The following ANKRD62 variants were observed in gnomAD, a reference collection of about 807,000 sequenced individuals.
ANKRD62 encodes ankyrin repeat domain 62, also known as ankyrin repeat domain-containing protein 62.
Under a neutral mutation model 98.8 loss-of-function variants are expected in ANKRD62, and 61 were observed. The observed-to-expected ratio is 0.62, with a 90% CI of 0.50 to 0.76. ANKRD62 has a LOEUF of 0.76. Ranked by LOEUF, ANKRD62 falls within the 30% of genes least tolerant of loss-of-function variation. The probability of loss-of-function intolerance (pLI) is 0.00; values close to 1 mark genes in which losing one functional copy is unlikely to be tolerated. For missense variants in ANKRD62, 933 were observed against 1,082.9 expected, an observed-to-expected ratio of 0.86 and a Z score of 1.94; for synonymous variants, 341 against 367.9, an observed-to-expected ratio of 0.93 and a Z score of 0.84.
At position 12,094,196 on chromosome 18, in the gene ANKRD62, T is replaced by C; in HGVS notation, c.179T>C (p.Leu60Pro). ...DVNKVMESIL[L>P]RLNDLNDRDK... ...AACAAGGTGATGGAGAGCATCTTGC[T>C]CAGGCTGAATGACTTGAACGACAGG... Residue 60 changes from leucine (L) to proline (P), a missense_variant, in exon 1 of 14, where the codon CTC becomes CCC. This residue lies in a region of ANKRD62 where 549 missense variants were observed against 587.9 expected (regional missense o/e 0.93). Transcript: ENST00000587848. The C allele has an allele frequency of 6.5e-7, 1 of 1,530,446 alleles. No individual in the cohort carries two copies. The highest frequency in any genetic ancestry group is 2.0e-5 in the Admixed American group (1 of 50,310). The allele number at this position is 1,530,446 out of a possible 1,614,324, so 94.8% of individuals were successfully genotyped here. A position where few individuals can be genotyped will look rare whatever the true frequency, so the allele number is the denominator to read the frequency against.
chr18:12,167,457 A>G, the ANKRD62 span, among the ~76,000 whole-genome samples: 92,130 of 151,992 alleles, frequency 0.61, 28,405 homozygotes, highest in Middle Eastern at 0.76. Flanking sequence ...GCTACAAAGG[A>G]CATGAACTCA....
chr18:12,122,274 A>T, intron 10 of ANKRD62, 29 bp from the exon 11 acceptor site: 1 of 1,490,894 alleles, frequency 6.7e-7, no homozygotes, highest in Non-Finnish European at 9.0e-7. Context: ...CATGTATTTT[A>T]TCTCTATTTT....
At chr18:12,161,553 C>G in the ANKRD62 span, among the ~76,000 whole-genome samples, 1 of 152,204 alleles carries the variant, frequency 6.6e-6, no homozygotes, top group Admixed American at 6.5e-5. Context: ...TATAGTCTTA[C>G]AGTCCTTTTA....
At chr18:12,170,552 A>C in the ANKRD62 span, among the ~76,000 whole-genome samples, 4 of 152,160 alleles carry the variant, frequency 2.6e-5, no homozygotes, top group Admixed American at 1.3e-4. Context: ...ACTTCCAACT[A>C]TGTGGTCAAT....
At chr18:12,162,241 T>C in the ANKRD62 span, among the ~76,000 whole-genome samples, 2 of 152,202 alleles carry the variant, frequency 1.3e-5, no homozygotes, top group Non-Finnish European at 2.9e-5. Flanking sequence ...TATCTCACTG[T>C]AGTTTTGAAT....
At chr18:12,156,249 A>T in the ANKRD62 span, among the ~76,000 whole-genome samples, 2 of 152,074 alleles carry the variant, frequency 1.3e-5, no homozygotes, top group African/African-American at 2.4e-5. Flanking sequence ...AACCAAATAC[A>T]TTTCTTTTCT....
chr18:12,151,972 T>C, the ANKRD62 span, among the ~76,000 whole-genome samples: 4 of 151,310 alleles, frequency 2.6e-5, no homozygotes. Flanking sequence ...TTAGAAGAGA[T>C]AGGTAAATTT....
At chr18:12,102,241 C>A in intron 6 of ANKRD62, 1 of 779,060 alleles carries the variant, frequency 1.3e-6, no homozygotes, top group South Asian at 1.3e-5. Flanking sequence ...GGAAGCAGGC[C>A]CAGGAGCAAA....
In ANKRD62 at chr18:12,126,202, G is replaced by C. The variant is rs561988829; in HGVS notation, c.2381G>C (p.Arg794Pro). The change falls in exon 13 of 14, where the codon CGC becomes CCC. Residue 794 changes from arginine (R) to proline (P), a missense_variant. By Grantham distance (103) the Arg-to-Pro change is moderately radical. Transcript: ENST00000587848. Reference protein sequence around the residue: ...LLYQQQCNDARKKADNQEKTI... With the variant: ...LLYQQQCNDAPKKADNQEKTI... ...TATCAACAGCAGTGTAATGATGCTC[G>C]CAAGAAAGCTGACAATCAGGAGAAA... The C allele has an allele frequency of 2.6e-6, 4 of 1,535,920 alleles. No individual in the cohort carries two copies. Among genetic ancestry groups the C allele is most frequent in the African/African-American group, 2.7e-5 (2 of 73,044 alleles).
the ANKRD62 span, among the ~76,000 whole-genome samples, chr18:12,170,241 T>G: frequency 6.6e-6 from 1 of 152,254 alleles, no homozygotes. Context: ...ATTTTAGATC[T>G]TTCCTGCTTT....
intron 8 of ANKRD62, among the ~76,000 whole-genome samples, chr18:12,113,035 C>G (rs577683589): frequency 3.9e-5 from 6 of 152,254 alleles, no homozygotes; most frequent in African/African-American, 1.4e-4. Flanking sequence ...ACTGGGACTA[C>G]AGGCATGCCC....
At chr18:12,122,920 A>G (rs1414722257) in intron 11 of ANKRD62, among the ~76,000 whole-genome samples, 1 of 152,174 alleles carries the variant, frequency 6.6e-6, no homozygotes, top group Non-Finnish European at 1.5e-5. Flanking sequence ...TTTTTAAAAG[A>G]GATCGTTGAT....
the ANKRD62 span, among the ~76,000 whole-genome samples, chr18:12,145,804 C>G: frequency 6.6e-6 from 1 of 150,948 alleles, no homozygotes; most frequent in Non-Finnish European, 1.5e-5. Context: ...TACAGCACAG[C>G]AGAGCTGTTC....
At chr18:12,133,651 T>C (rs1244838115), downstream of ANKRD62, among the ~76,000 whole-genome samples, 2 of 152,190 alleles carry the variant, frequency 1.3e-5, no homozygotes, top group Admixed American at 6.5e-5. Context: ...TTTCATGTGG[T>C]TACTGGCCAT....
the ANKRD62 span, among the ~76,000 whole-genome samples, chr18:12,165,955 T>A: frequency 6.6e-6 from 1 of 152,280 alleles, no homozygotes; most frequent in Non-Finnish European, 1.5e-5. Flanking sequence ...GTCATACCAT[T>A]CTCTCCTGGC....
At chr18:12,154,402 C>T in the ANKRD62 span, among the ~76,000 whole-genome samples, 1 of 152,192 alleles carries the variant, frequency 6.6e-6, no homozygotes, top group Non-Finnish European at 1.5e-5. Context: ...GAGATACCAT[C>T]ACCCACTAGT....
the ANKRD62 span, among the ~76,000 whole-genome samples, chr18:12,166,811 G>T: frequency 6.6e-6 from 1 of 151,978 alleles, no homozygotes; most frequent in Non-Finnish European, 1.5e-5. Flanking sequence ...TGCTGTGTTG[G>T]TTTGCTGCAT....
chr18:12,146,466 GATAGAATCT>G, the ANKRD62 span, among the ~76,000 whole-genome samples: 3 of 152,308 alleles, frequency 2.0e-5, no homozygotes, highest in Admixed American at 2.0e-4. Flanking sequence ...TGTGTTTTGA[GATAGAATCT>G]CCTTCTGTTT....
the ANKRD62 span, among the ~76,000 whole-genome samples, chr18:12,161,055 A>T: frequency 6.6e-6 from 1 of 152,142 alleles, no homozygotes; most frequent in African/African-American, 2.4e-5. Context: ...GATTTACCCT[A>T]ACATGTAAAA....
Sources: gnomAD v4.1 joint callset for allele counts (sites outside exome capture counted in the v4.1 genomes callset) on GRCh38, gnomAD v4.1.1 for gene constraint, gnomAD v4.1.1 regional missense constraint, MANE v1.5 for transcripts, NCBI Gene and HGNC (gene_info 2026-07-23, HGNC 2026-07-21) for gene names.